The following ZNF114 variants were observed in gnomAD, a reference collection of about 807,000 sequenced individuals.
The protein encoded by ZNF114 is zinc finger protein 114 (Y18).
In ZNF114, 8 loss-of-function variants were observed where a neutral mutation model predicts 6.8. The ratio of observed to expected loss-of-function variants is 1.18; its 90% CI spans 0.69 to 2.13. ZNF114 has a LOEUF of 2.13. Among genes scored for constraint, ZNF114 ranks in the 30% most tolerant of loss-of-function variants. The pLI, the probability that ZNF114 is intolerant of heterozygous loss-of-function variation, is 0.00. For missense variants in ZNF114, 472 were observed against 519.5 expected (o/e 0.91, Z 0.89); for synonymous variants, 169 against 185.5 (o/e 0.91, Z 0.72).
intron 1 of ZNF114, among the ~76,000 whole-genome samples, chr19:48,270,743 G>T (rs905901818): frequency 7.1e-6 from 1 of 141,228 alleles, no homozygotes; most frequent in Non-Finnish European, 1.5e-5. Flanking sequence ...AAAAGGGAAA[G>T]AAAGAAAAGA....
intron 5 of ZNF114, among the ~76,000 whole-genome samples, chr19:48,284,988 C>T (rs144953038): frequency 2.0e-5 from 3 of 152,202 alleles, no homozygotes; most frequent in East Asian, 3.9e-4. Context: ...CATGGACTCT[C>T]TGTCCAATTC....
chr19:48,274,009 G>A (rs1229490502), intron 3 of ZNF114, among the ~76,000 whole-genome samples: 1 of 151,260 alleles, frequency 6.6e-6, no homozygotes, highest in East Asian at 1.9e-4. Flanking sequence ...CGCCCACCTC[G>A]GCCTCCCAAG....
At chr19:48,285,280 A>G (rs777882015) in intron 5 of ZNF114, among the ~76,000 whole-genome samples, 6 of 152,182 alleles carry the variant, frequency 3.9e-5, no homozygotes, top group Non-Finnish European at 8.8e-5. Flanking sequence ...GGTGGATCAC[A>G]TGAGGCCAGG....
At chr19:48,272,183 G>A (rs1967676290) in intron 3 of ZNF114, among the ~76,000 whole-genome samples, 1 of 152,116 alleles carries the variant, frequency 6.6e-6, no homozygotes, top group Admixed American at 6.6e-5. Flanking sequence ...GGCCGAGGTG[G>A]GCGGATCACC....
At chr19:48,280,772 C>T (rs1047034532) in intron 4 of ZNF114, among the ~76,000 whole-genome samples, 2 of 151,912 alleles carry the variant, frequency 1.3e-5, no homozygotes, top group Admixed American at 6.6e-5. Flanking sequence ...AGGCTGGTCT[C>T]GAACTCCTGA....
Position 48,279,815 on chromosome 19 carries a change from TG to T in ZNF114, c.9+9del. ...GGTGACAAATATGTCCCAGGTAAGTTGGCAGCTCACCCTCTCCCAGAAGCGT... is the reference window on the plus strand; with the variant it reads ...GGTGACAAATATGTCCCAGGTAAGTTGCAGCTCACCCTCTCCCAGAAGCGT... On this transcript the variant is annotated splice_region_variant and intron_variant, in intron 4 of 5. Transcript: ENST00000595607. 6.2e-7 allele frequency: 1 copy of T among 1,613,934 alleles called. No individual in the cohort carries two copies. Among genetic ancestry groups the T allele is most frequent in the Non-Finnish European group, 8.5e-7 (1 of 1,179,912 alleles).
At chr19:48,272,895 A>T (rs1263391818) in intron 3 of ZNF114, among the ~76,000 whole-genome samples, 2 of 142,696 alleles carry the variant, frequency 1.4e-5, no homozygotes, top group Non-Finnish European at 1.5e-5. Context: ...TCCCGGGTTC[A>T]CGCCATTCTC....
In ZNF114 at chr19:48,286,103, A is replaced by G. The variant is rs761489175; in HGVS notation, c.479A>G (p.Tyr160Cys). Reference sequence around the variant, plus strand: ...ACACGTGACTCAAGTATTTTCAAGTATAATCCTGTCTTAAACGATAGTCAA... The same window carrying G: ...ACACGTGACTCAAGTATTTTCAAGTGTAATCCTGTCTTAAACGATAGTCAA... ...ILTRDSSIFK[Y>C]NPVLNDSQKT... is the part of the protein sequence containing the mutation. Residue 160 changes from tyrosine (Y) to cysteine (C), a missense_variant, in exon 6 of 6, where the codon TAT becomes TGT. By Grantham distance (194) the Tyr-to-Cys change is radical. Transcript: ENST00000595607. 20 of 1,614,064 alleles carry G rather than the reference A, an allele frequency of 1.2e-5. No individual in the cohort carries two copies. The highest frequency in any genetic ancestry group is 2.2e-5 in the East Asian group (1 of 44,906).
intron 3 of ZNF114, among the ~76,000 whole-genome samples, chr19:48,276,498 A>C (rs1967838201): frequency 2.0e-5 from 3 of 151,914 alleles, no homozygotes; most frequent in African/African-American, 7.3e-5. Context: ...TTCCTGAATC[A>C]GTTGTTTTAT....
intron 3 of ZNF114, among the ~76,000 whole-genome samples, chr19:48,274,798 G>A (rs1967781244): frequency 1.3e-5 from 2 of 151,754 alleles, no homozygotes; most frequent in South Asian, 2.1e-4. Context: ...GAGCCACCAC[G>A]CCTGGCCTAG....
At chr19:48,277,794 G>GTGTGTGTGTGTGTGTGTGTGT (rs1967877326) in intron 3 of ZNF114, among the ~76,000 whole-genome samples, 1 of 119,338 alleles carries the variant, frequency 8.4e-6, no homozygotes, top group East Asian at 2.5e-4. Flanking sequence ...GGAGGCATTG[G>GTGTGTGTGTGTGTGTGTGTGT]GTGTGTGTGT....
At chr19:48,283,739 T>TG (rs1305906379) in intron 5 of ZNF114, among the ~76,000 whole-genome samples, 1 of 151,750 alleles carries the variant, frequency 6.6e-6, no homozygotes, top group Non-Finnish European at 1.5e-5. Context: ...TTTTTGTTTT[T>TG]TTTTTGTTTT....
chr19:48,282,243 C>A, intron 4 of ZNF114, 128 bp from the exon 5 acceptor site: 1 of 1,325,696 alleles, frequency 7.5e-7, no homozygotes. Flanking sequence ...CTCTAGTTCA[C>A]AAATCAGGTC....
rs766882983 is a variant in ZNF114 at position 48,285,867 on chromosome 19, C to T, written c.243C>T (p.Ser81=). The part of the protein sequence containing the change: ...ANRVCLTSIS[S]QHSTLREDWR... ...GAGTGTGTCTCACGAGCATCAGTTC[C>T]CAGCACTCCACATTAAGAGAAGACT... Residue 81 remains serine, a synonymous_variant, in exon 6 of 6, where the codon TCC becomes TCT. Transcript: ENST00000595607. 4.3e-6 allele frequency: 7 copies of T among 1,614,144 alleles called. No individual in the cohort carries two copies. The South Asian group carries it at 6.6e-5, about 15-fold the overall frequency.
intron 3 of ZNF114, among the ~76,000 whole-genome samples, chr19:48,277,943 T>A (rs1967891284): frequency 6.6e-6 from 1 of 152,102 alleles, no homozygotes; most frequent in Non-Finnish European, 1.5e-5. Flanking sequence ...TTTGAAATTT[T>A]TTTTTTTGAG....
intron 5 of ZNF114, among the ~76,000 whole-genome samples, 173 bp from the exon 6 acceptor site, chr19:48,285,588 A>AAAGAAAGAAAGGAAGGAAGGAAGG (rs906750850): frequency 1.3e-5 from 2 of 149,816 alleles, no homozygotes; most frequent in African/African-American, 5.0e-5. Flanking sequence ...AAGAAAGAGA[A>AAAGAAAGAAAGGAAGGAAGGAAGG]AAGAAAGAAA....
At chr19:48,284,844 A>C (rs552312320) in intron 5 of ZNF114, among the ~76,000 whole-genome samples, 2 of 152,298 alleles carry the variant, frequency 1.3e-5, no homozygotes, top group African/African-American at 4.8e-5. Flanking sequence ...CGGGAGACTG[A>C]GGCAAGAGGA....
At chr19:48,275,315 G>A (rs1453055110) in intron 3 of ZNF114, among the ~76,000 whole-genome samples, 3 of 150,064 alleles carry the variant, frequency 2.0e-5, no homozygotes, top group Admixed American at 6.6e-5. Context: ...GTCAGGCTTC[G>A]TGGCTTTAAT....
chr19:48,286,672 C>T lies in ZNF114; in HGVS notation c.1048C>T (p.His350Tyr). The T allele has an allele frequency of 6.2e-7, 1 of 1,612,210 alleles. No individual in the cohort carries two copies. Among genetic ancestry groups the T allele is most frequent in the Non-Finnish European group, 8.5e-7 (1 of 1,179,562 alleles). Residue 350 changes from histidine to tyrosine, a missense_variant, in exon 6 of 6, where the codon CAT (histidine) becomes TAT (tyrosine). Coordinates refer to ENST00000595607, the MANE Select transcript of ZNF114 (RefSeq NM_153608.4). ...AFRYSLHLNKHLRKHVVQKKP... is the reference protein window; with the variant it reads ...AFRYSLHLNKYLRKHVVQKKP... ...TAGATATTCCTTACACCTTAATAAA[C>T]ATTTAAGAAAGCATGTTGTGCAGAA...
Sources: allele counts gnomAD v4.1 joint callset (sites outside exome capture counted in the v4.1 genomes callset), GRCh38; gene constraint gnomAD v4.1.1; transcripts MANE v1.5; gene names NCBI Gene and HGNC (gene_info 2026-07-23, HGNC 2026-07-21).